Variants in GALNTL6 observed in about 807,000 individuals in gnomAD.
The protein encoded by GALNTL6 is polypeptide N-acetylgalactosaminyltransferase-like 6.
Under a neutral mutation model 73.7 loss-of-function variants are expected in GALNTL6, and 46 were observed. That is an observed-to-expected ratio of 0.62 (90% CI 0.49 to 0.80). GALNTL6 has a LOEUF of 0.80. Ranked by LOEUF, GALNTL6 falls within the 30% of genes least tolerant of loss-of-function variation. The pLI is 0.00. For missense variants in GALNTL6, 604 were observed against 755.0 expected (o/e 0.80, Z 2.34); for synonymous variants, 259 against 263.7 (o/e 0.98, Z 0.17).
chr4:172,204,491 A>G (rs1414671960), intron 2 of GALNTL6, among the ~76,000 whole-genome samples: 1 of 152,146 alleles, frequency 6.6e-6, no homozygotes, highest in East Asian at 1.9e-4. Flanking sequence ...TTCATAGGTA[A>G]TAATGTCTTT....
At chr4:172,939,794 T>C (rs1056631642) in intron 9 of GALNTL6, among the ~76,000 whole-genome samples, 1 of 151,964 alleles carries the variant, frequency 6.6e-6, no homozygotes, top group African/African-American at 2.4e-5. Context: ...GTGCTAACCA[T>C]GAGAAAAATA....
chr4:172,051,649 T>C (rs1231621175), intron 2 of GALNTL6, among the ~76,000 whole-genome samples: 2 of 152,134 alleles, frequency 1.3e-5, no homozygotes, highest in Non-Finnish European at 2.9e-5. Context: ...CTTCTGTTCA[T>C]CTCCTCATAG....
intron 7 of GALNTL6, among the ~76,000 whole-genome samples, chr4:172,834,418 G>A (rs1742802260): frequency 6.6e-6 from 1 of 152,218 alleles, no homozygotes; most frequent in African/African-American, 2.4e-5. Flanking sequence ...GGGCAATCAG[G>A]GAGAAGCTGG....
intron 2 of GALNTL6, among the ~76,000 whole-genome samples, chr4:172,126,828 T>A (rs1472061986): frequency 1.3e-5 from 2 of 152,014 alleles, no homozygotes; most frequent in African/African-American, 4.8e-5. Context: ...TCCCTGCATC[T>A]CCATATTTCT....
At chr4:173,035,986 C>T (rs928637039) in intron 12 of GALNTL6, among the ~76,000 whole-genome samples, 3 of 152,154 alleles carry the variant, frequency 2.0e-5, no homozygotes, top group African/African-American at 7.2e-5. Context: ...AGGCAGGACA[C>T]TATGCCAGTG....
chr4:172,199,364 G>A (rs907087003), intron 2 of GALNTL6, among the ~76,000 whole-genome samples: 5 of 152,052 alleles, frequency 3.3e-5, no homozygotes, highest in Admixed American at 6.5e-5. Flanking sequence ...ATTATTCCTC[G>A]TGCTTAGATC....
At chr4:172,197,797 A>G (rs1735820046) in intron 2 of GALNTL6, among the ~76,000 whole-genome samples, 1 of 152,170 alleles carries the variant, frequency 6.6e-6, no homozygotes. Context: ...CTCAAGATGA[A>G]TTAAAGACTC....
intron 5 of GALNTL6, among the ~76,000 whole-genome samples, chr4:172,524,554 T>C (rs767642862): frequency 5.3e-5 from 8 of 152,228 alleles, no homozygotes; most frequent in Non-Finnish European, 1.0e-4. Flanking sequence ...CTTCTGTTCA[T>C]AGACACTTGA....
intron 2 of GALNTL6, among the ~76,000 whole-genome samples, chr4:171,822,554 A>G (rs1734714116): frequency 6.6e-6 from 1 of 152,212 alleles, no homozygotes; most frequent in Non-Finnish European, 1.5e-5. Flanking sequence ...ATAGCAATCT[A>G]TACTTTCTTG....
rs111850358 is a variant in GALNTL6, at chr4:172,050,259, C to T, written c.139-179397C>T. Among the ~76,000 whole-genome samples, 457 of 152,140 alleles carry T rather than the reference C, an allele frequency of 3.0e-3. 1 individual carries two copies. Among genetic ancestry groups the T allele is most frequent in the African/African-American group, 0.01 (433 of 41,512 alleles). On this transcript the variant is annotated intron_variant, in intron 2 of 12. Transcript: ENST00000506823. ...AGGGCACCAAGAAAGGAGAATCAGG[C>T]GGTTCAGGCTTTAGTCCCAACTTCC...
chr4:171,894,607 C>T (rs1327006700), intron 2 of GALNTL6, among the ~76,000 whole-genome samples: 1 of 152,128 alleles, frequency 6.6e-6, no homozygotes, highest in Non-Finnish European at 1.5e-5. Flanking sequence ...AGCAATCCTC[C>T]CACCTTGGCC....
chr4:171,915,282 G>A (rs1737586025), intron 2 of GALNTL6, among the ~76,000 whole-genome samples: 1 of 152,098 alleles, frequency 6.6e-6, no homozygotes, highest in Non-Finnish European at 1.5e-5. Flanking sequence ...TTAGGCCTAT[G>A]TAAATAAATG....
intron 2 of GALNTL6, among the ~76,000 whole-genome samples, chr4:172,199,804 CT>C (rs1427405675): frequency 6.6e-6 from 1 of 151,960 alleles, no homozygotes; most frequent in African/African-American, 2.4e-5. Flanking sequence ...TGGGAAAGTC[CT>C]AAGGCATTCA....
At chr4:171,958,119 C>T (rs1158363033) in intron 2 of GALNTL6, among the ~76,000 whole-genome samples, 3 of 152,168 alleles carry the variant, frequency 2.0e-5, no homozygotes. Flanking sequence ...TGAAACCTCT[C>T]ACTGCTTTAC....
chr4:172,122,825 A>G (rs150220838), intron 2 of GALNTL6, among the ~76,000 whole-genome samples: 97 of 152,226 alleles, frequency 6.4e-4, no homozygotes, highest in African/African-American at 2.2e-3. Flanking sequence ...CCTGGGGGGA[A>G]CCCTTACCTG....
At chr4:172,017,012 A>G (rs1158688546) in intron 2 of GALNTL6, among the ~76,000 whole-genome samples, 2 of 152,008 alleles carry the variant, frequency 1.3e-5, no homozygotes, top group Non-Finnish European at 2.9e-5. Context: ...TTATTTACTT[A>G]ATTTTTTCCT....
At chr4:172,349,706 C>G (rs1741873492) in intron 5 of GALNTL6, among the ~76,000 whole-genome samples, 1 of 151,910 alleles carries the variant, frequency 6.6e-6, no homozygotes, top group African/African-American at 2.4e-5. Flanking sequence ...CTGGGACTTA[C>G]ATGACAGAAA....
At chr4:171,918,108 G>C (rs765238254) in intron 2 of GALNTL6, among the ~76,000 whole-genome samples, 1 of 152,114 alleles carries the variant, frequency 6.6e-6, no homozygotes, top group East Asian at 1.9e-4. Flanking sequence ...GCATATCTTC[G>C]TTTTGTTGTG....
chr4:173,021,399 A>C (rs1335420096), intron 11 of GALNTL6, 77 bp from the exon 12 acceptor site: 3 of 1,441,876 alleles, frequency 2.1e-6, no homozygotes, highest in Non-Finnish European at 2.9e-6. Flanking sequence ...TTGCTAAAAG[A>C]CATACCTTCC....
Sources: gnomAD v4.1 joint callset for allele counts (sites outside exome capture counted in the v4.1 genomes callset) on GRCh38, gnomAD v4.1.1 for gene constraint, MANE v1.5 for transcripts, NCBI Gene and HGNC (gene_info 2026-07-23, HGNC 2026-07-21) for gene names.